Variants in HIF3A observed in about 807,000 individuals in gnomAD.
The protein encoded by HIF3A is hypoxia inducible factor 3 subunit alpha.
HIF3A carries 41 observed loss-of-function variants against 67.2 expected under a neutral mutation model. The ratio of observed to expected loss-of-function variants is 0.61; its 90% CI spans 0.48 to 0.79. HIF3A has a LOEUF of 0.79. HIF3A is among the 30% of genes least tolerant of loss of function. HIF3A has a pLI of 0.00. For missense variants in HIF3A, 855 were observed against 898.0 expected, an observed-to-expected ratio of 0.95 and a Z score of 0.61; for synonymous variants, 356 against 374.8, an observed-to-expected ratio of 0.95 and a Z score of 0.58.
intron 13 of HIF3A, among the ~76,000 whole-genome samples, chr19:46,334,035 C>T (rs1258737342): frequency 3.3e-5 from 5 of 151,630 alleles, no homozygotes; most frequent in Non-Finnish European, 5.9e-5. Flanking sequence ...CCTCGTGATC[C>T]GCCCAACTCG....
rs560531125 is a variant in HIF3A at position 46,323,524 on chromosome 19, A to T, written c.1335+1558A>T. On this transcript the variant is annotated intron_variant, in intron 10 of 14. Coordinates refer to ENST00000377670, the MANE Select transcript of HIF3A (RefSeq NM_152795.4). The stretch of plus-strand genomic sequence containing the variant: ...ACTGTTTTACTAGACTGTTCTAATA[A>T]AAGACTGTTCTAACAAAAGACAACG... Among the ~76,000 whole-genome samples the T allele has an allele frequency of 7.2e-5, 11 of 152,268 alleles. No homozygotes were observed. The South Asian group carries it at 2.3e-3, about 32-fold the overall frequency.
intron 3 of HIF3A, among the ~76,000 whole-genome samples, chr19:46,306,926 C>T (rs925229854): frequency 6.6e-6 from 1 of 152,210 alleles, no homozygotes; most frequent in Non-Finnish European, 1.5e-5. Context: ...GTCCCCTCCT[C>T]CCAGCACCAC....
rs79493942 is a variant in HIF3A, at chr19:46,297,666, T to C, written c.26+564T>C. On this transcript the variant is annotated intron_variant, in intron 1 of 14. Transcript: ENST00000377670. The surrounding 1 kb of genome is among the most constrained non-coding windows in gnomAD (Gnocchi z 4.5). ...GCTTCCTGACACAGTCTCCTAAACA[T>C]TGGGTTTCCCTAGAAATGGGCAGAG... Among the ~76,000 whole-genome samples the C allele has an allele frequency of 4.5e-3, 692 of 152,090 alleles. 5 individuals are homozygous for C. The highest frequency in any genetic ancestry group is 0.016 in the African/African-American group (669 of 41,468).
chr19:46,308,610 T>A, intron 4 of HIF3A, 53 bp from the exon 5 acceptor site: 1 of 1,112,576 alleles, frequency 9.0e-7, no homozygotes. Context: ...CGGAGGGCAC[T>A]GGGCCTGTGT....
At chr19:46,337,743 T>C (rs927449110) in intron 14 of HIF3A, among the ~76,000 whole-genome samples, 3 of 152,224 alleles carry the variant, frequency 2.0e-5, no homozygotes, top group Admixed American at 6.5e-5. Flanking sequence ...CTCTGTTCTT[T>C]GCCATGTTAC....
chr19:46,341,633 C>CTT lies in HIF3A; in HGVS notation c.*2011_*2012insTT, dbSNP rs1568556736. On this transcript the variant is annotated 3_prime_UTR_variant, in exon 15 of 15. Transcript: ENST00000377670. ...TTGATGTGTTTATCTCTTTTTTCTT[C>CTT]CTCTTCTTTTTTTTTTTTTTCTTTT... The CTT allele has an allele frequency of 6.7e-6, 1 of 149,888 alleles. No homozygotes were observed. Among genetic ancestry groups the CTT allele is most frequent in the African/African-American group, 2.5e-5 (1 of 39,812 alleles). 9.3% of individuals were successfully genotyped at this position (149,888 alleles called of 1,614,324 possible). A position where few individuals can be genotyped will look rare whatever the true frequency, so the allele number is the denominator to read the frequency against.
intron 8 of HIF3A, 128 bp downstream of exon 8, chr19:46,312,781 AGTGTGCAC>A: frequency 7.1e-7 from 1 of 1,416,658 alleles, no homozygotes; most frequent in Non-Finnish European, 9.2e-7. Flanking sequence ...TATGTGAGGG[AGTGTGCAC>A]GTGTACACAT....
At chr19:46,323,202 T>C (rs1970511582) in intron 10 of HIF3A, among the ~76,000 whole-genome samples, 3 of 151,970 alleles carry the variant, frequency 2.0e-5, no homozygotes, top group Non-Finnish European at 4.4e-5. Flanking sequence ...AGGCGCACAC[T>C]ACCACGCCCA....
intron 1 of HIF3A, chr19:46,298,207 C>A (rs538031437): frequency 2.9e-5 from 9 of 313,294 alleles, no homozygotes; most frequent in African/African-American, 1.6e-4. Flanking sequence ...TGTTTCTAAC[C>A]GCCCCCATCC....
At chr19:46,312,822 T>C (rs530760879) in intron 8 of HIF3A, 169 bp downstream of exon 8, 1 of 1,343,336 alleles carries the variant, frequency 7.4e-7, no homozygotes, top group East Asian at 3.0e-5. Flanking sequence ...TGTCACCATG[T>C]AAATGCCGGT....
rs1568516507 is a variant in HIF3A, at chr19:46,312,881, A to ATTT, written c.1025+228_1025+229insTTT. On this transcript the variant is annotated intron_variant, in intron 8 of 14. Transcript: ENST00000377670. Reference sequence around the variant, plus strand: ...TATGTGTATGGGTGTGTAGACTGTTAATTTTTTTTTTTTTTTTTTTTTTTT... The same window carrying ATTT: ...TATGTGTATGGGTGTGTAGACTGTTATTTATTTTTTTTTTTTTTTTTTTTTTTT... 5.3e-6 allele frequency: 5 copies of ATTT among 944,378 alleles called. No individual in the cohort carries two copies. In the African/African-American group the frequency reaches 1.2e-4, roughly 22 times the overall value. The allele number at this position is 944,378 out of a possible 1,614,324, so 58.5% of individuals were successfully genotyped here.
rs367590956 is a variant in HIF3A at position 46,308,315 on chromosome 19, C to T, written c.448+10C>T. 2 of 1,568,200 alleles carry T rather than the reference C, an allele frequency of 1.3e-6. No homozygotes were observed. Among genetic ancestry groups the T allele is most frequent in the Non-Finnish European group, 1.7e-6 (2 of 1,143,398 alleles). On this transcript the variant is annotated intron_variant, in intron 4 of 14. Coordinates refer to ENST00000377670, the MANE Select transcript of HIF3A (RefSeq NM_152795.4). ...CTGACCCCCCAGCAGAGTGAGTTCC[C>T]TGGAGGCCTCTGTCCCCACCATACA...
chr19:46,312,242 T>A lies in HIF3A; in HGVS notation c.852T>A (p.Asp284Glu). The A allele has an allele frequency of 6.2e-7, 1 of 1,613,828 alleles. No homozygotes were observed. The highest frequency in any genetic ancestry group is 8.5e-7 in the Non-Finnish European group (1 of 1,179,964). ...AYEYIHALDS[D>E]AVSKSIHTLL... ...AGTACATCCACGCGCTGGACTCCGA[T>A]GCGGTCAGCAAGAGCATCCACACCT... is the stretch of plus-strand genomic sequence containing the variant. The change falls in exon 7 of 15, where the codon GAT becomes GAA. Residue 284 changes from aspartate (D) to glutamate (E), a missense_variant. Asp to Glu is a conservative substitution (Grantham distance 45). Coordinates refer to ENST00000377670, the MANE Select transcript of HIF3A (RefSeq NM_152795.4).
At chr19:46,298,360 G>T (rs1457628277) in intron 1 of HIF3A, 1 of 1,279,852 alleles carries the variant, frequency 7.8e-7, no homozygotes, top group Non-Finnish European at 1.0e-6. Flanking sequence ...GCTGAGCTCG[G>T]GTGCCCCCCC....
At chr19:46,305,537 G>A (rs1313686591) in intron 3 of HIF3A, 147 bp downstream of exon 3, 1 of 839,254 alleles carries the variant, frequency 1.2e-6, no homozygotes, top group African/African-American at 1.7e-5. Flanking sequence ...GACCCAGAAT[G>A]GTCAGGGCTG....
chr19:46,334,960 C>G lies in HIF3A; in HGVS notation c.1886C>G (p.Pro629Arg). 1 of 1,607,772 alleles carries G rather than the reference C, an allele frequency of 6.2e-7. No individual in the cohort carries two copies. Among genetic ancestry groups the G allele is most frequent in the East Asian group, 2.2e-5 (1 of 44,662 alleles). The part of the protein sequence containing the change: ...APGSLQDPST[P>R]LLNLNEPLGL... ...GGGAGCCTGCAGGACCCCAGCACCCCACTCCTGAACCTGAATGAGCCCCTG... is the reference window on the plus strand; with the variant it reads ...GGGAGCCTGCAGGACCCCAGCACCCGACTCCTGAACCTGAATGAGCCCCTG... The change falls in exon 14 of 15, where the codon CCA becomes CGA. Residue 629 changes from proline to arginine, a missense_variant. Coordinates refer to ENST00000377670, the MANE Select transcript of HIF3A (RefSeq NM_152795.4).
chr19:46,304,248 T>G, intron 2 of HIF3A, 160 bp downstream of exon 2: 1 of 629,704 alleles, frequency 1.6e-6, no homozygotes, highest in African/African-American at 1.8e-5. Context: ...GGAATCGACT[T>G]CCCCGGGGAG....
chr19:46,308,381 C>G, intron 4 of HIF3A, 76 bp downstream of exon 4: 1 of 895,900 alleles, frequency 1.1e-6, no homozygotes, highest in South Asian at 1.5e-5. Context: ...CAGCATATCC[C>G]CACCTCCTGT....
At chr19:46,330,005 A>T (rs1971079175) in intron 12 of HIF3A, among the ~76,000 whole-genome samples, 1 of 133,902 alleles carries the variant, frequency 7.5e-6, no homozygotes, top group African/African-American at 2.7e-5. Context: ...GAGTGAAGAG[A>T]GAGGAAGGAA....
Sources: gnomAD v4.1 joint callset for allele counts (sites outside exome capture counted in the v4.1 genomes callset) on GRCh38, gnomAD v4.1.1 for gene constraint, Gnocchi (gnomAD v3.1) non-coding constraint, MANE v1.5 for transcripts, NCBI Gene and HGNC (gene_info 2026-07-23, HGNC 2026-07-21) for gene names.